Variants in B4GALT5 observed in about 807,000 individuals in gnomAD.
B4GALT5 encodes beta-1,4-galactosyltransferase 5, also known as UDP-Gal:beta-GlcNAc beta-1,4-galactosyltransferase 5.
A neutral mutation model predicts 45.0 loss-of-function variants in B4GALT5; 11 were observed. The ratio of observed to expected loss-of-function variants is 0.24; its 90% CI spans 0.15 to 0.40. The LOEUF (loss-of-function observed/expected upper bound fraction) is 0.40, where lower values mean the gene tolerates loss of function less well. Among genes scored for constraint, B4GALT5 ranks in the 10% least tolerant of loss-of-function variants. The pLI is 1.00. For missense variants in B4GALT5, 337 were observed against 500.2 expected (o/e 0.67, Z 3.11); for synonymous variants, 185 against 182.9 (o/e 1.01, Z -0.09).
intron 2 of B4GALT5, among the ~76,000 whole-genome samples, chr20:49,655,928 CAAAA>C (rs59460026): frequency 6.9e-5 from 8 of 116,030 alleles, no homozygotes; most frequent in Middle Eastern, 4.4e-3. Context: ...AACTCCGTCT[CAAAA>C]AAAAAAAAAA....
At chr20:49,687,034 G>A (rs1424624266) in intron 1 of B4GALT5, among the ~76,000 whole-genome samples, 1 of 152,188 alleles carries the variant, frequency 6.6e-6, no homozygotes, top group Non-Finnish European at 1.5e-5. Context: ...CTTTAGGCCA[G>A]TAGTTCTCAA....
In B4GALT5 at chr20:49,713,635, A is replaced by G; in HGVS notation, c.56T>C (p.Leu19Pro). 6.3e-7 allele frequency: 1 copy of G among 1,580,270 alleles called. No homozygotes were observed. The highest frequency in any genetic ancestry group is 8.6e-7 in the Non-Finnish European group (1 of 1,165,622). Residue 19 changes from leucine to proline, a missense_variant, in exon 1 of 9, where the codon CTC (leucine) becomes CCC (proline). By Grantham distance (98) the Leu-to-Pro change is moderately conservative. Transcript: ENST00000371711. The part of the protein sequence containing the change: ...RLPRRSLLAA[L>P]FFFSLSSSLL... ...CGAGGACGAGAGAGAAAAGAAGAAG[A>G]GCGCGGCGAGCAGCGAGCGGCGCGG...
chr20:49,674,326 C>T (rs888743192), intron 1 of B4GALT5, among the ~76,000 whole-genome samples: 1 of 151,572 alleles, frequency 6.6e-6, no homozygotes, highest in Non-Finnish European at 1.5e-5. Context: ...ATTAAAAATC[C>T]TGTAAATGGG....
At chr20:49,679,583 G>T (rs1329711974) in intron 1 of B4GALT5, among the ~76,000 whole-genome samples, 1 of 151,924 alleles carries the variant, frequency 6.6e-6, no homozygotes, top group Non-Finnish European at 1.5e-5. Context: ...GGCTGAGGCA[G>T]GAGAATCACT....
At chr20:49,708,317 A>G (rs1004263686) in intron 1 of B4GALT5, among the ~76,000 whole-genome samples, 3 of 152,210 alleles carry the variant, frequency 2.0e-5, no homozygotes, top group African/African-American at 4.8e-5. Context: ...ATGAATTATC[A>G]ACATTCTATA....
chr20:49,668,618 T>C, intron 1 of B4GALT5, among the ~76,000 whole-genome samples: 1 of 151,928 alleles, frequency 6.6e-6, no homozygotes, highest in Admixed American at 6.6e-5. Context: ...GGCGTCAGGG[T>C]ATGACGGATG....
intron 7 of B4GALT5, among the ~76,000 whole-genome samples, chr20:49,637,709 A>C (rs1348270571): frequency 6.6e-6 from 1 of 151,892 alleles, no homozygotes; most frequent in Admixed American, 6.6e-5. Context: ...CGAGGTGGGC[A>C]GATCATTTGA....
At chr20:49,690,075 C>T (rs913924963) in intron 1 of B4GALT5, among the ~76,000 whole-genome samples, 1 of 152,200 alleles carries the variant, frequency 6.6e-6, no homozygotes, top group African/African-American at 2.4e-5. Flanking sequence ...ATGATCTCAG[C>T]TTTCTGCAAC....
chr20:49,643,964 T>C (rs2085588309), intron 3 of B4GALT5, among the ~76,000 whole-genome samples: 2 of 144,740 alleles, frequency 1.4e-5, no homozygotes, highest in African/African-American at 5.2e-5. Flanking sequence ...AGTCTCGCTC[T>C]GTTGCCCGGG....
chr20:49,667,827 G>C (rs1315629268), intron 1 of B4GALT5, among the ~76,000 whole-genome samples: 3 of 152,188 alleles, frequency 2.0e-5, no homozygotes, highest in Non-Finnish European at 4.4e-5. Context: ...TTATAAGTTT[G>C]AAGCTCTAAT....
At position 49,713,712 on chromosome 20, in the gene B4GALT5, G is replaced by A. The variant is rs1446856992; in HGVS notation, c.-22C>T. On this transcript the variant is annotated 5_prime_UTR_variant, in exon 1 of 9. Transcript: ENST00000371711. ...GCATGCTGCAGCCAGGCGGCCGCTA[G>A]AGAGCCAGGCCGGGCCTGCTCCCGC... 3 of 1,240,186 alleles carry A rather than the reference G, an allele frequency of 2.4e-6. No individual in the cohort carries two copies. The highest frequency in any genetic ancestry group is 2.8e-5 in the Admixed American group (1 of 35,290). 76.8% of individuals were successfully genotyped at this position (1,240,186 alleles called of 1,614,324 possible). A position where few individuals can be genotyped will look rare whatever the true frequency, so the allele number is the denominator to read the frequency against.
Position 49,660,415 on chromosome 20 carries a change from G to A in B4GALT5, c.116-3713C>T, listed in dbSNP as rs537541711. 2.0e-5 allele frequency among the ~76,000 whole-genome samples: 3 copies of A among 152,322 alleles called. No homozygotes were observed. The South Asian group carries it at 6.2e-4, about 32-fold the overall frequency. On this transcript the variant is annotated intron_variant, in intron 1 of 8. Transcript: ENST00000371711. ...TTTCCCAAACCAGAACATCAAGTGA[G>A]TCTCTGCAGAACTTACTTTGGGAAA... is the stretch of plus-strand genomic sequence containing the variant.
chr20:49,709,741 C>T (rs1166033814), intron 1 of B4GALT5, among the ~76,000 whole-genome samples: 2 of 151,382 alleles, frequency 1.3e-5, no homozygotes, highest in East Asian at 3.9e-4. Flanking sequence ...TTCACTCCAG[C>T]CTGGGCAAAA....
At chr20:49,697,262 T>G (rs1377817514) in intron 1 of B4GALT5, among the ~76,000 whole-genome samples, 1 of 152,252 alleles carries the variant, frequency 6.6e-6, no homozygotes, top group East Asian at 1.9e-4. Context: ...CCAGAGCACC[T>G]GACTTCAGCA....
chr20:49,703,156 A>G (rs2085869749), intron 1 of B4GALT5, among the ~76,000 whole-genome samples: 1 of 124,148 alleles, frequency 8.1e-6, no homozygotes, highest in African/African-American at 3.0e-5. Flanking sequence ...CCTGGGCGAG[A>G]CTCCGTCTCA....
chr20:49,662,605 G>A (rs1187576380), intron 1 of B4GALT5, among the ~76,000 whole-genome samples: 2 of 152,148 alleles, frequency 1.3e-5, no homozygotes, highest in African/African-American at 4.8e-5. Flanking sequence ...CCTCCTTTCT[G>A]AGAGGAACCC....
chr20:49,690,724 G>T (rs188953098), intron 1 of B4GALT5, among the ~76,000 whole-genome samples: 1 of 152,218 alleles, frequency 6.6e-6, no homozygotes. Flanking sequence ...AATTTTCAAT[G>T]AAATGTTTAG....
intron 1 of B4GALT5, among the ~76,000 whole-genome samples, chr20:49,692,118 T>C (rs1194422427): frequency 3.3e-5 from 5 of 152,178 alleles, no homozygotes; most frequent in Non-Finnish European, 4.4e-5. Flanking sequence ...CCTACAATTA[T>C]GCTTTCTCAC....
chr20:49,634,203 AAACAAAC>A lies in B4GALT5; in HGVS notation c.*2102_*2108del, dbSNP rs1984449621. ...CAAAAGAACAAAAACACAAACAAAC[AAACAAAC>A]AAAACAAGGCCTGGCCAATCACTCC... is the stretch of plus-strand genomic sequence containing the variant. On this transcript the variant is annotated 3_prime_UTR_variant, in exon 9 of 9. Transcript: ENST00000371711. 6.6e-6 allele frequency: 1 copy of A among 152,552 alleles called. No individual in the cohort carries two copies. Among genetic ancestry groups the A allele is most frequent in the African/African-American group, 2.4e-5 (1 of 41,406 alleles). 9.4% of individuals were successfully genotyped at this position (152,552 alleles called of 1,614,324 possible).
Sources: allele counts gnomAD v4.1 joint callset (sites outside exome capture counted in the v4.1 genomes callset), GRCh38; gene constraint gnomAD v4.1.1; transcripts MANE v1.5; gene names NCBI Gene and HGNC (gene_info 2026-07-23, HGNC 2026-07-21).